MYO1D: variants seen among roughly 807,000 people sequenced by gnomAD.
MYO1D encodes the protein myosin ID.
MYO1D carries 83 observed loss-of-function variants against 122.0 expected under a neutral mutation model. The ratio of observed to expected loss-of-function variants is 0.68; its 90% CI spans 0.57 to 0.82. The LOEUF (loss-of-function observed/expected upper bound fraction) is 0.82, where lower values mean the gene tolerates loss of function less well. MYO1D is among the 40% of genes least tolerant of loss of function. The pLI is 0.00. For synonymous variants in MYO1D, 464 were observed against 446.9 expected (o/e 1.04, Z -0.48); for missense variants, 1,157 against 1,269.5 (o/e 0.91, Z 1.35).
intron 1 of MYO1D, among the ~76,000 whole-genome samples, chr17:32,813,696 G>C (rs1362936): frequency 0.35 from 53,906 of 152,102 alleles, 10,989 homozygotes; most frequent in East Asian, 0.53. Flanking sequence ...GATGATGCAA[G>C]GGCCTTCCAA....
chr17:32,818,888 G>A (rs1478161123), intron 1 of MYO1D, among the ~76,000 whole-genome samples: 1 of 152,158 alleles, frequency 6.6e-6, no homozygotes, highest in African/African-American at 2.4e-5. Flanking sequence ...ATGAAGTTCT[G>A]CCTCATTTTC....
intron 20 of MYO1D, among the ~76,000 whole-genome samples, chr17:32,638,235 A>G (rs2088133863): frequency 6.6e-6 from 1 of 152,244 alleles, no homozygotes; most frequent in Non-Finnish European, 1.5e-5. Context: ...AGAAAACTGT[A>G]TGGTTATAGT....
intron 16 of MYO1D, among the ~76,000 whole-genome samples, chr17:32,703,935 A>T (rs1230021101): frequency 6.6e-6 from 1 of 152,220 alleles, no homozygotes; most frequent in African/African-American, 2.4e-5. Flanking sequence ...CAAACCAGAA[A>T]GGCCCAGGTT....
intron 5 of MYO1D, among the ~76,000 whole-genome samples, chr17:32,772,388 CTG>C (rs1380104768): frequency 6.6e-6 from 1 of 152,062 alleles, no homozygotes; most frequent in African/African-American, 2.4e-5. Flanking sequence ...GTGAAACAAA[CTG>C]AATTTGTATT....
intron 1 of MYO1D, among the ~76,000 whole-genome samples, chr17:32,807,786 T>C (rs942307250): frequency 2.6e-5 from 4 of 151,848 alleles, no homozygotes; most frequent in Non-Finnish European, 4.4e-5. Context: ...GAAAAGTTTA[T>C]GTGACTGAGA....
intron 1 of MYO1D, among the ~76,000 whole-genome samples, chr17:32,822,727 C>A (rs1183598693): frequency 6.6e-6 from 1 of 151,272 alleles, no homozygotes; most frequent in Non-Finnish European, 1.5e-5. Context: ...GGTCGACCAG[C>A]AGACCGCGGG....
At chr17:32,645,963 G>A (rs999919411) in intron 19 of MYO1D, among the ~76,000 whole-genome samples, 1 of 152,160 alleles carries the variant, frequency 6.6e-6, no homozygotes, top group Non-Finnish European at 1.5e-5. Flanking sequence ...CGTTCCTTTG[G>A]AGGAGGAGAG....
intron 20 of MYO1D, among the ~76,000 whole-genome samples, chr17:32,621,118 G>C (rs139778765): frequency 3.3e-3 from 502 of 152,218 alleles, no homozygotes; most frequent in African/African-American, 0.012. Flanking sequence ...AATAAGCTGT[G>C]CTGTGTGCCT....
chr17:32,749,658 CAG>C (rs1320208200), intron 11 of MYO1D, among the ~76,000 whole-genome samples: 3 of 152,274 alleles, frequency 2.0e-5, no homozygotes, highest in African/African-American at 7.2e-5. Flanking sequence ...CCATGGAAGG[CAG>C]AGACTGCAGT....
At chr17:32,599,787 G>A (rs2087541134) in intron 21 of MYO1D, among the ~76,000 whole-genome samples, 1 of 152,108 alleles carries the variant, frequency 6.6e-6, no homozygotes, top group African/African-American at 2.4e-5. Flanking sequence ...CAAGTAGCTG[G>A]GATTACAGGT....
intron 16 of MYO1D, among the ~76,000 whole-genome samples, chr17:32,683,439 C>T (rs1243320848): frequency 6.6e-6 from 1 of 152,142 alleles, no homozygotes; most frequent in Non-Finnish European, 1.5e-5. Flanking sequence ...TGTGGATGTC[C>T]TTTCTGTTTG....
chr17:32,589,783 G>C (rs1043409611), intron 21 of MYO1D, among the ~76,000 whole-genome samples: 6 of 152,142 alleles, frequency 3.9e-5, no homozygotes, highest in African/African-American at 1.4e-4. Context: ...AATTACTAAA[G>C]GGGTGGCAAA....
intron 17 of MYO1D, among the ~76,000 whole-genome samples, chr17:32,657,642 T>C (rs2088495964): frequency 6.6e-6 from 1 of 152,254 alleles, no homozygotes; most frequent in African/African-American, 2.4e-5. Flanking sequence ...CAAATGCCAT[T>C]GATTATAAGG....
intron 4 of MYO1D, among the ~76,000 whole-genome samples, chr17:32,774,362 T>C (rs967308152): frequency 6.6e-6 from 1 of 152,220 alleles, no homozygotes; most frequent in African/African-American, 2.4e-5. Context: ...CCTAAAACTT[T>C]CTGAAGAATG....
At chr17:32,673,090 C>CTTTATTTT (rs2088746090) in intron 16 of MYO1D, among the ~76,000 whole-genome samples, 1 of 28,628 alleles carries the variant, frequency 3.5e-5, no homozygotes, top group Non-Finnish European at 8.5e-5. Flanking sequence ...AAACATGCTA[C>CTTTATTTT]TTTTTTTTTT....
intron 1 of MYO1D, among the ~76,000 whole-genome samples, chr17:32,860,415 C>G (rs2091060144): frequency 6.6e-6 from 1 of 152,306 alleles, no homozygotes; most frequent in East Asian, 1.9e-4. Context: ...TAGGGAACTT[C>G]CAAGTCCCTG....
chr17:32,657,928 C>T (rs536179936), intron 17 of MYO1D, among the ~76,000 whole-genome samples: 14 of 152,260 alleles, frequency 9.2e-5, no homozygotes, highest in Non-Finnish European at 1.6e-4. Flanking sequence ...GACAGATCTT[C>T]AAGACTTATT....
intron 21 of MYO1D, chr17:32,594,535 T>G: frequency 1.6e-6 from 1 of 642,050 alleles, no homozygotes; most frequent in East Asian, 2.8e-5. Context: ...TATGCTTTCT[T>G]GAATTTTATT....
At chr17:32,630,016 G>A (rs951994248) in intron 20 of MYO1D, among the ~76,000 whole-genome samples, 10 of 152,304 alleles carry the variant, frequency 6.6e-5, no homozygotes, top group African/African-American at 2.4e-4. Context: ...TAAGCGATGG[G>A]GGAAGGCTAG....
Sources: allele counts gnomAD v4.1 joint callset (sites outside exome capture counted in the v4.1 genomes callset), GRCh38; gene constraint gnomAD v4.1.1; transcripts MANE v1.5; gene names NCBI Gene and HGNC (gene_info 2026-07-23, HGNC 2026-07-21).